The following LINGO2 variants were observed in gnomAD, a reference collection of about 807,000 sequenced individuals.
LINGO2 encodes leucine rich repeat and Ig domain containing 2.
LINGO2 carries 14 observed loss-of-function variants against 30.6 expected under a neutral mutation model. The ratio of observed to expected loss-of-function variants is 0.46; its 90% CI spans 0.30 to 0.72. The LOEUF is 0.72. Among genes scored for constraint, LINGO2 ranks in the 30% least tolerant of loss-of-function variants. The pLI is 0.07. For synonymous variants in LINGO2, 317 were observed against 288.5 expected, an observed-to-expected ratio of 1.10 and a Z score of -1.00; for missense variants, 729 against 751.7, an observed-to-expected ratio of 0.97 and a Z score of 0.35.
chr9:29,127,051 T>G, the LINGO2 span, among the ~76,000 whole-genome samples: 1 of 152,106 alleles, frequency 6.6e-6, no homozygotes, highest in Non-Finnish European at 1.5e-5. Flanking sequence ...AGCCTCTGAT[T>G]GGTCACCTTC....
intron 4 of LINGO2, among the ~76,000 whole-genome samples, chr9:28,235,948 G>A (rs574102982): frequency 6.6e-6 from 1 of 152,232 alleles, no homozygotes; most frequent in Non-Finnish European, 1.5e-5. Flanking sequence ...CCTAATCCTA[G>A]GGAAAGGTAA....
chr9:28,576,386 C>G (rs1823992548), intron 1 of LINGO2, among the ~76,000 whole-genome samples: 1 of 152,048 alleles, frequency 6.6e-6, no homozygotes, highest in Non-Finnish European at 1.5e-5. Context: ...CAAATAGAAC[C>G]TTCATAAGCC....
At chr9:28,247,102 A>G (rs1822031511) in intron 4 of LINGO2, among the ~76,000 whole-genome samples, 1 of 152,144 alleles carries the variant, frequency 6.6e-6, no homozygotes. Context: ...CACAACAATT[A>G]ATGATGGCAA....
intron 1 of LINGO2, among the ~76,000 whole-genome samples, chr9:28,597,769 T>C (rs982801106): frequency 1.6e-4 from 25 of 152,276 alleles, no homozygotes; most frequent in African/African-American, 6.0e-4. Context: ...TGTATATATG[T>C]ATTTATTTAT....
At chr9:28,770,264 T>A in the LINGO2 span, among the ~76,000 whole-genome samples, 21 of 152,222 alleles carry the variant, frequency 1.4e-4, no homozygotes, top group African/African-American at 5.1e-4. Context: ...GTGAAACCCA[T>A]CTTTTTCTAG....
chr9:28,497,891 C>G (rs1366167699), intron 1 of LINGO2, among the ~76,000 whole-genome samples: 4 of 152,234 alleles, frequency 2.6e-5, no homozygotes, highest in Non-Finnish European at 5.9e-5. Flanking sequence ...GCACCCTCAG[C>G]TGCAGGTCTG....
chr9:28,449,372 A>C (rs1466172615), intron 2 of LINGO2, among the ~76,000 whole-genome samples: 1 of 152,088 alleles, frequency 6.6e-6, no homozygotes, highest in African/African-American at 2.4e-5. Context: ...AAAGCACAGA[A>C]GTGCATTTCT....
chr9:28,955,453 T>TG, the LINGO2 span, among the ~76,000 whole-genome samples: 1 of 152,084 alleles, frequency 6.6e-6, no homozygotes, highest in African/African-American at 2.4e-5. Context: ...CCTTCTGCCA[T>TG]GACCTGAAAG....
chr9:29,132,833 A>G, the LINGO2 span, among the ~76,000 whole-genome samples: 1 of 152,054 alleles, frequency 6.6e-6, no homozygotes, highest in Non-Finnish European at 1.5e-5. Context: ...TTCAACAAAC[A>G]TGTATTGATT....
chr9:29,037,964 T>C, the LINGO2 span, among the ~76,000 whole-genome samples: 5 of 152,092 alleles, frequency 3.3e-5, no homozygotes, highest in Non-Finnish European at 1.5e-5. Context: ...TCCATGCTTT[T>C]GTACAGAGCT....
intron 1 of LINGO2, among the ~76,000 whole-genome samples, chr9:28,648,931 A>G (rs909105920): frequency 6.6e-6 from 1 of 152,018 alleles, no homozygotes; most frequent in South Asian, 2.1e-4. Context: ...GGGGCGGTAA[A>G]GAGACAAGGC....
At chr9:28,783,194 A>T in the LINGO2 span, among the ~76,000 whole-genome samples, 1 of 152,166 alleles carries the variant, frequency 6.6e-6, no homozygotes, top group African/African-American at 2.4e-5. Context: ...TACCTAAAGA[A>T]ATGAATATAC....
chr9:28,445,488 A>C (rs1027520115), intron 2 of LINGO2, among the ~76,000 whole-genome samples: 1 of 152,222 alleles, frequency 6.6e-6, no homozygotes, highest in Non-Finnish European at 1.5e-5. Flanking sequence ...AGAAATAGCT[A>C]TGTACACAGT....
the LINGO2 span, among the ~76,000 whole-genome samples, chr9:28,707,234 C>A: frequency 6.6e-6 from 1 of 151,966 alleles, no homozygotes; most frequent in African/African-American, 2.4e-5. Flanking sequence ...ATCTTCCAGA[C>A]AATTAAACTA....
At chr9:28,324,127 T>C (rs1825142142) in intron 3 of LINGO2, among the ~76,000 whole-genome samples, 1 of 152,142 alleles carries the variant, frequency 6.6e-6, no homozygotes, top group African/African-American at 2.4e-5. Context: ...CAGAAGGGGA[T>C]TAACCATGAA....
At chr9:28,994,742 A>T in the LINGO2 span, among the ~76,000 whole-genome samples, 5 of 152,330 alleles carry the variant, frequency 3.3e-5, no homozygotes, top group Admixed American at 1.3e-4. Context: ...GATCTTTGAC[A>T]AACCTGAGAA....
chr9:28,744,638 G>GT, the LINGO2 span, among the ~76,000 whole-genome samples: 1 of 119,264 alleles, frequency 8.4e-6, no homozygotes, highest in Non-Finnish European at 1.7e-5. Context: ...GTGTGTGTGT[G>GT]TATTTTTTTT....
chr9:28,800,445 G>A, the LINGO2 span, among the ~76,000 whole-genome samples: 5 of 151,982 alleles, frequency 3.3e-5, no homozygotes, highest in African/African-American at 1.2e-4. Context: ...AAATAATGCT[G>A]CAGTCTATTA....
the LINGO2 span, among the ~76,000 whole-genome samples, chr9:28,675,905 G>GTATATATATATATATA: frequency 0.013 from 1,591 of 125,840 alleles, 19 homozygotes; most frequent in South Asian, 0.021. Flanking sequence ...GTGTGTGTAT[G>GTATATATATATATATA]TATATATATA....
Sources: allele counts gnomAD v4.1 joint callset (sites outside exome capture counted in the v4.1 genomes callset), GRCh38; gene constraint gnomAD v4.1.1; transcripts MANE v1.5; gene names NCBI Gene and HGNC (gene_info 2026-07-23, HGNC 2026-07-21).